The following LEPR variants were observed in gnomAD, a reference collection of about 807,000 sequenced individuals.
The protein encoded by LEPR is leptin receptor.
LEPR carries 56 observed loss-of-function variants against 114.7 expected under a neutral mutation model. The observed-to-expected ratio is 0.49, with a 90% confidence interval of 0.39 to 0.61. The LOEUF (loss-of-function observed/expected upper bound fraction) is 0.61. Ranked by LOEUF, LEPR falls within the 20% of genes least tolerant of loss-of-function variation. The pLI is 0.00. For missense variants in LEPR, 1,202 were observed against 1,352.9 expected, an observed-to-expected ratio of 0.89 and a Z score of 1.75; for synonymous variants, 443 against 461.4, an observed-to-expected ratio of 0.96 and a Z score of 0.51.
intron 2 of LEPR, among the ~76,000 whole-genome samples, chr1:65,544,585 A>G (rs978674934): frequency 1.3e-5 from 2 of 151,886 alleles, no homozygotes; most frequent in Non-Finnish European, 2.9e-5. Context: ...GGTCATAAAT[A>G]GCTCTTATTA....
In LEPR at chr1:65,640,560, C is replaced by G. The variant is rs1435357143; in HGVS notation, c.*3545C>G. On this transcript the variant is annotated 3_prime_UTR_variant, in exon 20 of 20. Transcript: ENST00000349533. ...GTGAAGAAGTATTTATAAAAGGAAG[C>G]TACATAAGTAGGTAATTTTACTCTT... 1 of 152,114 alleles carries G rather than the reference C, an allele frequency of 6.6e-6. No homozygotes were observed. The highest frequency in any genetic ancestry group is 1.5e-5 in the Non-Finnish European group (1 of 68,010). 9.4% of individuals were successfully genotyped at this position (152,114 alleles called of 1,614,324 possible).
At chr1:65,461,131 A>G (rs1646940236) in intron 2 of LEPR, among the ~76,000 whole-genome samples, 1 of 151,838 alleles carries the variant, frequency 6.6e-6, no homozygotes, top group Non-Finnish European at 1.5e-5. Flanking sequence ...GCCCGCCACC[A>G]TGCCTGCCAA....
rs377379170 is a variant in LEPR at position 65,468,088 on chromosome 1, G to T, written c.-21+42710G>T. 1.9e-3 allele frequency among the ~76,000 whole-genome samples: 296 copies of T among 152,298 alleles called. 3 individuals are homozygous for T. Among genetic ancestry groups the T allele is most frequent in the African/African-American group, 6.8e-3 (283 of 41,562 alleles). ...CCAATGAGATGAACCAGGTACCTCA[G>T]TTGGAAATGCAGAAATCACCTGTCT... On this transcript the variant is annotated intron_variant, in intron 2 of 19. Coordinates refer to ENST00000349533, the MANE Select transcript of LEPR (RefSeq NM_002303.6).
intron 11 of LEPR, 120 bp from the exon 12 acceptor site, chr1:65,608,633 A>C (rs1231265317): frequency 7.0e-5 from 80 of 1,138,850 alleles, no homozygotes; most frequent in Non-Finnish European, 7.8e-5. Context: ...ATAATGAGTG[A>C]GAAAGTTATG....
At chr1:65,526,358 A>G (rs1649971418) in intron 2 of LEPR, 4 of 985,426 alleles carry the variant, frequency 4.1e-6, no homozygotes, top group Middle Eastern at 1.0e-3. Flanking sequence ...CCCCAAACCC[A>G]ATCCTAACCA....
At chr1:65,612,276 T>G (rs1657227017) in intron 14 of LEPR, among the ~76,000 whole-genome samples, 1 of 152,248 alleles carries the variant, frequency 6.6e-6, no homozygotes, top group Admixed American at 6.5e-5. Context: ...AGAGAATTCC[T>G]ATGTATTCCC....
chr1:65,548,462 T>C (rs192434481), intron 2 of LEPR, among the ~76,000 whole-genome samples: 1 of 152,148 alleles, frequency 6.6e-6, no homozygotes, highest in Admixed American at 6.5e-5. Context: ...TGTAGGTCAC[T>C]CAGGACTTGC....
At position 65,636,955 on chromosome 1, in the gene LEPR, A is replaced by C. The variant is rs925413252; in HGVS notation, c.3438A>C (p.Gln1146His). The change falls in exon 20 of 20, where the codon CAA becomes CAC. Residue 1146 changes from glutamine (Q) to histidine (H), a missense_variant. Physicochemically the swap from Gln to His is conservative, Grantham distance 24. Transcript: ENST00000349533. ...KTFASYMPQFQTCSTQTHKIM... is the reference protein window; with the variant it reads ...KTFASYMPQFHTCSTQTHKIM... ...TTGCATCTTACATGCCTCAATTCCA[A>C]ACTTGTTCTACTCAGACTCATAAGA... The C allele has an allele frequency of 1.2e-6, 2 of 1,610,410 alleles. No individual in the cohort carries two copies. The highest frequency in any genetic ancestry group is 1.7e-5 in the Admixed American group (1 of 58,892).
At chr1:65,455,759 G>A (rs1036788254) in intron 2 of LEPR, among the ~76,000 whole-genome samples, 1 of 152,234 alleles carries the variant, frequency 6.6e-6, no homozygotes, top group Admixed American at 6.5e-5. Context: ...TGCCCCCAGA[G>A]GTGGAGCCTA....
At chr1:65,431,913 G>C (rs1459211129) in intron 2 of LEPR, 1 of 1,613,774 alleles carries the variant, frequency 6.2e-7, no homozygotes, top group African/African-American at 1.3e-5. Flanking sequence ...GCTGGGAGCA[G>C]TGGTAGCACT....
intron 2 of LEPR, among the ~76,000 whole-genome samples, chr1:65,548,229 C>T (rs1414961337): frequency 3.4e-4 from 51 of 151,924 alleles, no homozygotes; most frequent in African/African-American, 1.2e-3. Context: ...TACTTCCAAC[C>T]ATGTGGTCAA....
At chr1:65,474,093 T>G (rs1199997946) in intron 2 of LEPR, among the ~76,000 whole-genome samples, 2 of 152,238 alleles carry the variant, frequency 1.3e-5, no homozygotes, top group Non-Finnish European at 2.9e-5. Flanking sequence ...GTGGGTGCTG[T>G]TAACAGCTTC....
At chr1:65,569,707 T>TAAA (rs199787348) in intron 3 of LEPR, among the ~76,000 whole-genome samples, 8 of 92,472 alleles carry the variant, frequency 8.7e-5, no homozygotes, top group South Asian at 8.3e-4. Context: ...AATTCCATCT[T>TAAA]AAAAAAAAAA....
intron 2 of LEPR, among the ~76,000 whole-genome samples, chr1:65,504,244 G>A (rs960194403): frequency 1.2e-4 from 19 of 152,148 alleles, no homozygotes; most frequent in Admixed American, 1.2e-3. Flanking sequence ...ATTTCAAATA[G>A]TTTGTGAAGC....
intron 5 of LEPR, among the ~76,000 whole-genome samples, chr1:65,573,689 AGCAATGT>A (rs763893721): frequency 3.9e-5 from 6 of 152,092 alleles, no homozygotes; most frequent in Non-Finnish European, 7.4e-5. Context: ...ACCGTTGAGG[AGCAATGT>A]GCTAGAAACT....
At chr1:65,634,762 T>C (rs1023261137) in intron 19 of LEPR, 1 of 920,414 alleles carries the variant, frequency 1.1e-6, no homozygotes, top group Non-Finnish European at 1.3e-6. Context: ...AATCTTAATA[T>C]GTAGGTTCAT....
intron 10 of LEPR, among the ~76,000 whole-genome samples, chr1:65,603,091 T>C (rs926159620): frequency 5.3e-5 from 8 of 152,200 alleles, no homozygotes; most frequent in African/African-American, 1.9e-4. Context: ...TAAGCCTCAA[T>C]TTCCTTGTCT....
intron 2 of LEPR, chr1:65,430,216 T>C (rs1344680430): frequency 8.2e-6 from 4 of 489,672 alleles, no homozygotes; most frequent in African/African-American, 3.9e-5. Flanking sequence ...AGTTCGGCCA[T>C]GCCTTCAGAG....
chr1:65,549,048 T>C (rs1254125039), intron 2 of LEPR, among the ~76,000 whole-genome samples: 2 of 151,474 alleles, frequency 1.3e-5, no homozygotes, highest in Admixed American at 6.6e-5. Flanking sequence ...TAAAGTATTT[T>C]ATTTCTCCTT....
Sources: gnomAD v4.1 joint callset for allele counts (sites outside exome capture counted in the v4.1 genomes callset) on GRCh38, gnomAD v4.1.1 for gene constraint, MANE v1.5 for transcripts, NCBI Gene and HGNC (gene_info 2026-07-23, HGNC 2026-07-21) for gene names.